XPOT: variants seen among roughly 807,000 people sequenced by gnomAD.
The protein encoded by XPOT is exportin for tRNA.
Under a neutral mutation model 128.2 loss-of-function variants are expected in XPOT, and 34 were observed. That is an observed-to-expected ratio of 0.27 (90% CI 0.20 to 0.35). The LOEUF (loss-of-function observed/expected upper bound fraction) is 0.35. XPOT is among the 10% of genes least tolerant of loss of function. XPOT has a pLI of 1.00. For synonymous variants in XPOT, 348 were observed against 394.3 expected (o/e 0.88, Z 1.39); for missense variants, 838 against 1,125.3 (o/e 0.74, Z 3.65).
intron 23 of XPOT, among the ~76,000 whole-genome samples, chr12:64,442,040 A>G (rs1306536712): frequency 1.3e-5 from 2 of 151,854 alleles, no homozygotes; most frequent in East Asian, 1.9e-4. Context: ...TCAGTTTTAT[A>G]TACTCTTTCC....
intron 20 of XPOT, 22 bp downstream of exon 20, chr12:64,434,645 A>G: frequency 6.3e-7 from 1 of 1,590,866 alleles, no homozygotes; most frequent in South Asian, 1.1e-5. Flanking sequence ...TTATTTCTTA[A>G]CCTTCATTTC....
chr12:64,423,245 G>T lies in XPOT; in HGVS notation c.1182+1G>T. On this transcript the variant is annotated splice_donor_variant, in intron 11 of 24. Coordinates refer to ENST00000332707, the MANE Select transcript of XPOT (RefSeq NM_007235.6). LOFTEE classifies it high-confidence loss of function. ...TGAAGAATATAACTTTGAAAATGAG[G>T]TAAGAATTTTTTTTTGTTGAGGAGA... 1 of 1,563,624 alleles carries T rather than the reference G, an allele frequency of 6.4e-7. No homozygotes were observed. Among genetic ancestry groups the T allele is most frequent in the Non-Finnish European group, 8.6e-7 (1 of 1,161,038 alleles).
intron 2 of XPOT, among the ~76,000 whole-genome samples, chr12:64,412,857 G>T (rs955573186): frequency 1.3e-5 from 2 of 152,152 alleles, no homozygotes; most frequent in African/African-American, 2.4e-5. Context: ...TGACTTTCTT[G>T]TGCTGATGAA....
intron 1 of XPOT, among the ~76,000 whole-genome samples, chr12:64,408,205 G>A (rs1230751183): frequency 3.3e-5 from 5 of 152,158 alleles, no homozygotes; most frequent in Non-Finnish European, 5.9e-5. Context: ...CACCTCCTGG[G>A]TTCAAGCGAT....
At chr12:64,447,305 C>G (rs914966778) in intron 24 of XPOT, among the ~76,000 whole-genome samples, 7 of 152,146 alleles carry the variant, frequency 4.6e-5, no homozygotes, top group African/African-American at 1.7e-4. Flanking sequence ...GCTCACCTGA[C>G]CTGCCATGGA....
At chr12:64,413,919 C>T (rs145335776) in intron 2 of XPOT, among the ~76,000 whole-genome samples, 15 of 152,252 alleles carry the variant, frequency 9.9e-5, no homozygotes, top group Admixed American at 9.2e-4. Flanking sequence ...TGGGAGACAC[C>T]ACCGTTTTAA....
chr12:64,419,176 G>A, intron 6 of XPOT, 82 bp downstream of exon 6: 1 of 1,166,520 alleles, frequency 8.6e-7, no homozygotes, highest in Non-Finnish European at 1.2e-6. Context: ...GAGCAGGGAA[G>A]TTTTCTTTCT....
intron 23 of XPOT, chr12:64,443,447 G>A (rs894186083): frequency 2.0e-5 from 3 of 152,030 alleles, no homozygotes; most frequent in African/African-American, 7.2e-5. Context: ...TTTCAATGGT[G>A]TTTTTTTGTT....
chr12:64,424,548 C>T (rs375550966), intron 11 of XPOT, 51 bp from the exon 12 acceptor site: 43 of 1,600,276 alleles, frequency 2.7e-5, no homozygotes, highest in African/African-American at 1.2e-4. Context: ...TGGTTTGCTG[C>T]GCCGATCAAC....
At chr12:64,409,930 A>C in intron 1 of XPOT, 32 bp from the exon 2 acceptor site, 1 of 825,734 alleles carries the variant, frequency 1.2e-6, no homozygotes, top group Non-Finnish European at 2.1e-6. Context: ...TTATCAAGTA[A>C]TGTTTTCTTT....
At position 64,439,593 on chromosome 12, in the gene XPOT, C is replaced by G. The variant is rs80102089; in HGVS notation, c.2805+278C>G. 8.7e-3 allele frequency among the ~76,000 whole-genome samples: 1,320 copies of G among 152,202 alleles called. 13 individuals carry two copies. The highest frequency in any genetic ancestry group is 0.01 in the Non-Finnish European group (689 of 68,008). On this transcript the variant is annotated intron_variant, in intron 23 of 24. Transcript: ENST00000332707. The stretch of plus-strand genomic sequence containing the variant: ...GTATAATTGGCTTCTATCGTAATCC[C>G]ATGTATTATGTTTTATGCATTTTTT...
intron 17 of XPOT, 115 bp downstream of exon 17, chr12:64,430,402 T>A: frequency 1.1e-6 from 1 of 870,794 alleles, no homozygotes; most frequent in South Asian, 2.2e-5. Flanking sequence ...GAGAATTGTC[T>A]AAATCTTTGT....
Position 64,431,750 on chromosome 12 carries a change from T to G in XPOT, c.2189T>G (p.Met730Arg). ...LPFIPSASEHMLKDCEAKDLQ... is the reference protein window; with the variant it reads ...LPFIPSASEHRLKDCEAKDLQ... ...TTCATTCCATCTGCTTCAGAACATATGCTCAAAGATTGTGAAGCAAAAGAT... is the reference window on the plus strand; with the variant it reads ...TTCATTCCATCTGCTTCAGAACATAGGCTCAAAGATTGTGAAGCAAAAGAT... The change falls in exon 18 of 25, where the codon ATG (methionine) becomes AGG (arginine). Residue 730 changes from methionine to arginine, a missense_variant. Met to Arg is a moderately conservative substitution (Grantham distance 91). This residue lies in a region of XPOT where 761 missense variants were observed against 988.3 expected (regional missense o/e 0.77). Coordinates refer to ENST00000332707, the MANE Select transcript of XPOT (RefSeq NM_007235.6). The G allele has an allele frequency of 6.2e-7, 1 of 1,614,166 alleles. No homozygotes were observed. The highest frequency in any genetic ancestry group is 2.2e-5 in the East Asian group (1 of 44,876).
At chr12:64,426,945 T>G (rs1418674331) in intron 15 of XPOT, among the ~76,000 whole-genome samples, 1 of 151,652 alleles carries the variant, frequency 6.6e-6, no homozygotes, top group African/African-American at 2.4e-5. Context: ...ATCGTGCCAT[T>G]GCACTCCAGC....
At chr12:64,412,396 C>T (rs2040046734) in intron 2 of XPOT, among the ~76,000 whole-genome samples, 2 of 152,114 alleles carry the variant, frequency 1.3e-5, no homozygotes, top group South Asian at 4.1e-4. Flanking sequence ...AATGGTATGT[C>T]ATGACATTTC....
intron 15 of XPOT, among the ~76,000 whole-genome samples, chr12:64,427,229 C>G (rs1254383788): frequency 2.0e-5 from 3 of 150,256 alleles, no homozygotes; most frequent in African/African-American, 7.3e-5. Context: ...AAGCGATTCT[C>G]CTGCCTCAGC....
At chr12:64,414,131 G>A (rs909766694) in intron 2 of XPOT, among the ~76,000 whole-genome samples, 1 of 152,202 alleles carries the variant, frequency 6.6e-6, no homozygotes, top group Non-Finnish European at 1.5e-5. Flanking sequence ...TGCATCTGGT[G>A]CAACATGCTG....
intron 22 of XPOT, among the ~76,000 whole-genome samples, chr12:64,437,247 T>TA (rs922958903): frequency 2.6e-5 from 4 of 152,214 alleles, no homozygotes; most frequent in Non-Finnish European, 4.4e-5. Flanking sequence ...CATCCCCCGA[T>TA]ACTCGAGAAC....
At chr12:64,413,730 CTT>C (rs891913569) in intron 2 of XPOT, among the ~76,000 whole-genome samples, 3 of 152,210 alleles carry the variant, frequency 2.0e-5, no homozygotes, top group Admixed American at 6.5e-5. Flanking sequence ...AAAAAAATAA[CTT>C]TACATCTCGA....
Sources: gnomAD v4.1 joint callset for allele counts (sites outside exome capture counted in the v4.1 genomes callset) on GRCh38, gnomAD v4.1.1 for gene constraint, gnomAD v4.1.1 regional missense constraint, MANE v1.5 for transcripts, NCBI Gene and HGNC (gene_info 2026-07-23, HGNC 2026-07-21) for gene names.